STRADB: variants seen among roughly 807,000 people sequenced by gnomAD.
STRADB encodes STE20 related adaptor beta.
STRADB carries 34 observed loss-of-function variants against 52.1 expected under a neutral mutation model. That is an observed-to-expected ratio of 0.65 (90% CI 0.50 to 0.87). The LOEUF (loss-of-function observed/expected upper bound fraction) is 0.87, where lower values mean the gene tolerates loss of function less well. Ranked by LOEUF, STRADB falls within the 40% of genes least tolerant of loss-of-function variation. The pLI is 0.00. For missense variants in STRADB, 340 were observed against 483.9 expected (o/e 0.70, Z 2.79); for synonymous variants, 133 against 174.5 (o/e 0.76, Z 1.87).
At chr2:201,459,474 C>G (rs1282822973) in intron 3 of STRADB, among the ~76,000 whole-genome samples, 2 of 152,194 alleles carry the variant, frequency 1.3e-5, no homozygotes, top group Non-Finnish European at 2.9e-5. Context: ...ACTATGTCAT[C>G]CTAACTAAAA....
rs1193051935 is a variant in STRADB at position 201,480,808 on chromosome 2, C to T, written c.*633C>T. Reference sequence around the variant, plus strand: ...ATGTAAATTATAGATCCTAAATTCACGCACCCCGTGGGAGCTCAATAAAGA... The same window carrying T: ...ATGTAAATTATAGATCCTAAATTCATGCACCCCGTGGGAGCTCAATAAAGA... On this transcript the variant is annotated 3_prime_UTR_variant, in exon 12 of 12. Transcript: ENST00000194530. 10 of 985,542 alleles carry T rather than the reference C, an allele frequency of 1.0e-5. No homozygotes were observed. The highest frequency in any genetic ancestry group is 5.2e-4 in the Middle Eastern group (1 of 1,934). The allele number at this position is 985,542 out of a possible 1,614,324, so 61.0% of individuals were successfully genotyped here. A position where few individuals can be genotyped will look rare whatever the true frequency, so the allele number is the denominator to read the frequency against.
Position 201,480,365 on chromosome 2 carries a change from A to G in STRADB, c.*190A>G, listed in dbSNP as rs1952551928. On this transcript the variant is annotated 3_prime_UTR_variant, in exon 12 of 12. Transcript: ENST00000194530. ...GTCCCTCTGTTTCGCACAGAGTACT[A>G]TGACAAGGAAACATCAGAATTACTA... 7.3e-7 allele frequency: 1 copy of G among 1,379,148 alleles called. No homozygotes were observed. The allele number at this position is 1,379,148 out of a possible 1,614,324, so 85.4% of individuals were successfully genotyped here. A position where few individuals can be genotyped will look rare whatever the true frequency, so the allele number is the denominator to read the frequency against.
intron 4 of STRADB, 98 bp downstream of exon 4, chr2:201,470,150 C>G: frequency 2.3e-6 from 2 of 876,370 alleles, no homozygotes; most frequent in Non-Finnish European, 3.7e-6. Flanking sequence ...GTTGTTACCT[C>G]CAGCATAAAA....
intron 6 of STRADB, among the ~76,000 whole-genome samples, chr2:201,475,236 A>G (rs1456225320): frequency 6.6e-6 from 1 of 152,204 alleles, no homozygotes; most frequent in Non-Finnish European, 1.5e-5. Flanking sequence ...GTGCTCACGT[A>G]GTACTTAGCA....
rs1225544305 is a variant in STRADB, at chr2:201,478,083, A to G, written c.721-4A>G. Reference sequence around the variant, plus strand: ...AAAGACTTCAAATTAATTGTGTCCTACAGGATTTACATGGGTATAATGTGA... The same window carrying G: ...AAAGACTTCAAATTAATTGTGTCCTGCAGGATTTACATGGGTATAATGTGA... On this transcript the variant is annotated splice_polypyrimidine_tract_variant and splice_region_variant and intron_variant, in intron 8 of 11. Transcript: ENST00000194530. The G allele has an allele frequency of 3.1e-6, 5 of 1,600,988 alleles. No individual in the cohort carries two copies. The East Asian group carries it at 1.1e-4, about 36-fold the overall frequency.
rs542045966 is a variant in STRADB at position 201,462,329 on chromosome 2, A to T, written c.93+3465A>T. ...GAAGTGTGGTTCTTGTAGGCAACAG[A>T]TAATTGAATCTTTTTTTAATCGATT... On this transcript the variant is annotated intron_variant, in intron 3 of 11. Transcript: ENST00000194530. Among the ~76,000 whole-genome samples, 4 of 152,128 alleles carry T rather than the reference A, an allele frequency of 2.6e-5. No homozygotes were observed. In the South Asian group the frequency reaches 8.3e-4, roughly 32 times the overall value.
rs1559470756 is a variant in STRADB, at chr2:201,480,680, C to T, written c.*505C>T. 3 of 986,314 alleles carry T rather than the reference C, an allele frequency of 3.0e-6. No homozygotes were observed. The highest frequency in any genetic ancestry group is 3.6e-6 in the Non-Finnish European group (3 of 830,364). 61.1% of individuals were successfully genotyped at this position (986,314 alleles called of 1,614,324 possible). A position where few individuals can be genotyped will look rare whatever the true frequency, so the allele number is the denominator to read the frequency against. On this transcript the variant is annotated 3_prime_UTR_variant, in exon 12 of 12. Coordinates refer to ENST00000194530, the MANE Select transcript of STRADB (RefSeq NM_018571.6). Reference sequence around the variant, plus strand: ...CTTCTGTTAATACTTATGGTAACACCTAACTGAGCCTCACTCACATTAAAT... The same window carrying T: ...CTTCTGTTAATACTTATGGTAACACTTAACTGAGCCTCACTCACATTAAAT...
chr2:201,473,583 T>C lies in STRADB; in HGVS notation c.315+507T>C, dbSNP rs181866852. On this transcript the variant is annotated intron_variant, in intron 5 of 11. Transcript: ENST00000194530. ...TTGGAAAGAATACTTGGAAGCCAGG[T>C]TCATTATATGAAAGAACAAATATAT... Among the ~76,000 whole-genome samples the C allele has an allele frequency of 3.9e-5, 6 of 152,306 alleles. No individual in the cohort carries two copies. In the East Asian group the frequency reaches 1.2e-3, roughly 29 times the overall value.
At chr2:201,467,629 A>G (rs1046885632) in intron 3 of STRADB, among the ~76,000 whole-genome samples, 1 of 152,224 alleles carries the variant, frequency 6.6e-6, no homozygotes, top group African/African-American at 2.4e-5. Context: ...GCAACTATAT[A>G]TATTCTTAAT....
chr2:201,476,068 T>G (rs1952466672), intron 7 of STRADB, among the ~76,000 whole-genome samples: 1 of 152,194 alleles, frequency 6.6e-6, no homozygotes, highest in African/African-American at 2.4e-5. Context: ...CTGGGTGTTT[T>G]TCGTTTTGTT....
At position 201,475,716 on chromosome 2, in the gene STRADB, T is replaced by C. The variant is rs748372507; in HGVS notation, c.522T>C (p.Tyr174=). ...TTGGAGCCGTGAGAGGGTTGAACTA[T>C]CTGCACCAAAATGGCTGTATTCACA... ...ILFGAVRGLN[Y]LHQNGCIHRS... Residue 174 remains tyrosine (Y), a synonymous_variant, in exon 7 of 12, where the codon TAT becomes TAC. Transcript: ENST00000194530. The C allele has an allele frequency of 6.2e-7, 1 of 1,611,246 alleles. No individual in the cohort carries two copies. Among genetic ancestry groups the C allele is most frequent in the Non-Finnish European group, 8.5e-7 (1 of 1,179,532 alleles).
At chr2:201,454,963 A>G (rs1056454841) in intron 2 of STRADB, 111 bp downstream of exon 2, 15 of 992,488 alleles carry the variant, frequency 1.5e-5, no homozygotes, top group Non-Finnish European at 2.2e-5. Flanking sequence ...GCTCTGAGAT[A>G]TTGTTTTGAC....
At chr2:201,480,008 C>T (rs961912387) in intron 11 of STRADB, 24 bp from the exon 12 acceptor site, 3 of 1,613,004 alleles carry the variant, frequency 1.9e-6, no homozygotes, top group Non-Finnish European at 2.5e-6. Flanking sequence ...ATATCAACAG[C>T]CTTATTTTGA....
intron 11 of STRADB, 113 bp downstream of exon 11, chr2:201,479,644 TG>T: frequency 9.5e-7 from 1 of 1,053,262 alleles, no homozygotes; most frequent in Non-Finnish European, 1.4e-6. Flanking sequence ...CTAATAACTT[TG>T]TTACAAAATA....
chr2:201,460,909 GTT>G (rs57250433), intron 3 of STRADB: 2 of 138,498 alleles, frequency 1.4e-5, no homozygotes, highest in African/African-American at 2.7e-5. Context: ...TCATATGGTA[GTT>G]TTTTTTTTTT....
chr2:201,468,161 C>T (rs1203904122), intron 3 of STRADB, among the ~76,000 whole-genome samples: 3 of 139,714 alleles, frequency 2.1e-5, no homozygotes, highest in African/African-American at 7.9e-5. Context: ...TTTTTTCAAG[C>T]CAGCCTTTTT....
At chr2:201,477,837 C>T (rs771325881) in intron 8 of STRADB, 47 bp downstream of exon 8, 3 of 1,594,344 alleles carry the variant, frequency 1.9e-6, no homozygotes, top group South Asian at 2.2e-5. Flanking sequence ...CAAGTGTCTT[C>T]TGAGTTTGGC....
intron 4 of STRADB, 48 bp downstream of exon 4, chr2:201,470,100 TTGA>T (rs1559466347): frequency 1.1e-5 from 16 of 1,398,346 alleles, no homozygotes; most frequent in Non-Finnish European, 1.6e-5. Context: ...AGAAATTAAA[TTGA>T]TGACAAAAAG....
chr2:201,458,693 C>T, intron 2 of STRADB, 91 bp from the exon 3 acceptor site: 1 of 1,117,960 alleles, frequency 8.9e-7, no homozygotes, highest in Non-Finnish European at 1.3e-6. Context: ...CTTTTCCCCA[C>T]TGTAGTCATT....
Sources: allele counts gnomAD v4.1 joint callset (sites outside exome capture counted in the v4.1 genomes callset), GRCh38; gene constraint gnomAD v4.1.1; transcripts MANE v1.5; gene names NCBI Gene and HGNC (gene_info 2026-07-23, HGNC 2026-07-21).